Variants in TLK2 observed in about 807,000 individuals in gnomAD.
TLK2 encodes serine/threonine-protein kinase tousled-like 2.
TLK2 carries 6 observed loss-of-function variants against 117.3 expected under a neutral mutation model. The ratio of observed to expected loss-of-function variants is 0.05; its 90% CI spans 0.03 to 0.10. The LOEUF (loss-of-function observed/expected upper bound fraction) is 0.10, where lower values mean the gene tolerates loss of function less well. TLK2 is among the 10% of genes least tolerant of loss of function. The probability of loss-of-function intolerance (pLI) is 1.00; values close to 1 mark genes in which losing one functional copy is unlikely to be tolerated. For missense variants in TLK2, 299 were observed against 901.2 expected, an observed-to-expected ratio of 0.33 and a Z score of 8.56; for synonymous variants, 257 against 316.7, an observed-to-expected ratio of 0.81 and a Z score of 2.00.
intron 7 of TLK2, among the ~76,000 whole-genome samples, chr17:62,541,495 T>G (rs185432118): frequency 6.6e-6 from 1 of 152,232 alleles, no homozygotes. Flanking sequence ...TATACACCAA[T>G]GAAAGATTTC....
At chr17:62,512,213 C>CTT (rs35913164) in intron 2 of TLK2, among the ~76,000 whole-genome samples, 88 of 40,584 alleles carry the variant, frequency 2.2e-3, no homozygotes, top group African/African-American at 5.8e-3. Flanking sequence ...ATCACCCCTC[C>CTT]TTTTTTTTTT....
intron 11 of TLK2, 53 bp from the exon 12 acceptor site, chr17:62,573,162 T>A (rs1320761776): frequency 6.4e-7 from 1 of 1,553,124 alleles, no homozygotes; most frequent in African/African-American, 1.4e-5. Flanking sequence ...GTTCCATAGC[T>A]GTGGTAAAAC....
At chr17:62,600,581 G>T (rs912855124) in intron 17 of TLK2, 70 bp from the exon 18 acceptor site, 2 of 1,356,976 alleles carry the variant, frequency 1.5e-6, no homozygotes, top group Admixed American at 2.7e-5. Flanking sequence ...TTTTCACATG[G>T]GACTAATTTA....
At chr17:62,504,715 G>A (rs774099863) in intron 2 of TLK2, among the ~76,000 whole-genome samples, 1 of 152,114 alleles carries the variant, frequency 6.6e-6, no homozygotes, top group Non-Finnish European at 1.5e-5. Flanking sequence ...GGCTGAGATG[G>A]GAGGATTGCT....
At chr17:62,486,529 A>G (rs1036358321) in intron 2 of TLK2, among the ~76,000 whole-genome samples, 2 of 152,134 alleles carry the variant, frequency 1.3e-5, no homozygotes, top group African/African-American at 4.8e-5. Context: ...TGTGAAACTG[A>G]CTATATCTTG....
chr17:62,568,963 C>T (rs1429711918), intron 11 of TLK2, among the ~76,000 whole-genome samples: 1 of 152,140 alleles, frequency 6.6e-6, no homozygotes, highest in African/African-American at 2.4e-5. Flanking sequence ...TACCATTTCA[C>T]AGCTCCCAGT....
chr17:62,483,703 A>G (rs938198557), intron 2 of TLK2, among the ~76,000 whole-genome samples: 4 of 152,088 alleles, frequency 2.6e-5, no homozygotes, highest in Admixed American at 1.3e-4. Context: ...GGGTTTTACC[A>G]TGTTGGACAG....
chr17:62,538,954 A>G (rs987989289), intron 7 of TLK2, among the ~76,000 whole-genome samples: 1 of 152,256 alleles, frequency 6.6e-6, no homozygotes, highest in African/African-American at 2.4e-5. Flanking sequence ...GTGGCTAATA[A>G]CATGAAATAA....
At position 62,603,223 on chromosome 17, in the gene TLK2, C is replaced by T. The variant is rs149267210; in HGVS notation, c.1859+1043C>T. 2.4e-3 allele frequency among the ~76,000 whole-genome samples: 359 copies of T among 152,284 alleles called. 2 individuals carry two copies. Among genetic ancestry groups the T allele is most frequent in the African/African-American group, 6.6e-3 (276 of 41,548 alleles). ...CATGGCGTTCACAACACAGCATCAG[C>T]CCTGTGCTCATCGTGAAGCCTGCCA... On this transcript the variant is annotated intron_variant, in intron 19 of 21. Transcript: ENST00000346027.
chr17:62,592,147 CAG>C (rs2082129652), intron 16 of TLK2, among the ~76,000 whole-genome samples: 1 of 151,710 alleles, frequency 6.6e-6, no homozygotes, highest in South Asian at 2.1e-4. Context: ...TTAGTAGAGA[CAG>C]GGTTTCTCCA....
Position 62,608,074 on chromosome 17 carries a change from C to T in TLK2, c.2005C>T (p.Leu669=), listed in dbSNP as rs1321532738. 1.2e-6 allele frequency: 2 copies of T among 1,613,748 alleles called. No homozygotes were observed. Among genetic ancestry groups the T allele is most frequent in the East Asian group, 2.2e-5 (1 of 44,896 alleles). The part of the protein sequence containing the change: ...FGHNQSQQDI[L]QENTILKATE... ...CCATAACCAGTCTCAGCAAGACATC[C>T]TACAAGAGAATACGATTCTTAAAGC... Residue 669 remains leucine, a synonymous_variant, in exon 21 of 22, where the codon CTA becomes TTA. Transcript: ENST00000346027.
At chr17:62,500,537 T>G (rs1377101836) in intron 2 of TLK2, among the ~76,000 whole-genome samples, 1 of 152,210 alleles carries the variant, frequency 6.6e-6, no homozygotes, top group African/African-American at 2.4e-5. Flanking sequence ...ATTTGGAAAT[T>G]ACAACATTGT....
chr17:62,596,367 C>T (rs1465235590), intron 16 of TLK2, among the ~76,000 whole-genome samples: 1 of 152,202 alleles, frequency 6.6e-6, no homozygotes, highest in Non-Finnish European at 1.5e-5. Context: ...AGCCACTACG[C>T]CCAGCCAGAG....
intron 21 of TLK2, 68 bp from the exon 22 acceptor site, chr17:62,612,324 A>G (rs1387323985): frequency 5.9e-6 from 9 of 1,515,612 alleles, no homozygotes; most frequent in Non-Finnish European, 8.0e-6. Context: ...GCCGATAGAG[A>G]GCCTTAGGGT....
At chr17:62,493,003 C>G (rs1197707754) in intron 2 of TLK2, among the ~76,000 whole-genome samples, 1 of 152,004 alleles carries the variant, frequency 6.6e-6, no homozygotes, top group Non-Finnish European at 1.5e-5. Context: ...GAGGCTGATG[C>G]AAGAGAATCA....
chr17:62,554,199 C>T (rs576569508), intron 9 of TLK2, among the ~76,000 whole-genome samples: 2 of 152,284 alleles, frequency 1.3e-5, no homozygotes, highest in South Asian at 2.1e-4. Flanking sequence ...TAAAATGCTT[C>T]ATCTGGAATT....
intron 17 of TLK2, among the ~76,000 whole-genome samples, chr17:62,599,125 T>C (rs975992056): frequency 1.3e-5 from 2 of 152,170 alleles, no homozygotes; most frequent in African/African-American, 4.8e-5. Context: ...TTTTGTATTT[T>C]TAGTAGAGAC....
intron 2 of TLK2, among the ~76,000 whole-genome samples, chr17:62,495,182 C>T (rs1182434825): frequency 1.3e-5 from 2 of 151,488 alleles, no homozygotes; most frequent in Non-Finnish European, 2.9e-5. Flanking sequence ...AAAAAGGAAA[C>T]GATTACTGTA....
chr17:62,479,397 C>G (rs1004666614), intron 1 of TLK2, 107 bp downstream of exon 1: 1 of 153,356 alleles, frequency 6.5e-6, no homozygotes, highest in Non-Finnish European at 1.5e-5. Flanking sequence ...AGCTCGGGGC[C>G]GGCTCCGGAC....
Sources: allele counts gnomAD v4.1 joint callset (sites outside exome capture counted in the v4.1 genomes callset), GRCh38; gene constraint gnomAD v4.1.1; transcripts MANE v1.5; gene names NCBI Gene and HGNC (gene_info 2026-07-23, HGNC 2026-07-21).